Variants in RNF212 observed in about 807,000 individuals in gnomAD.
The protein encoded by RNF212 is probable E3 SUMO-protein ligase RNF212.
In RNF212, 33 loss-of-function variants were observed where a neutral mutation model predicts 34.7. That is an observed-to-expected ratio of 0.95 (90% CI 0.72 to 1.27). RNF212 has a LOEUF of 1.27. Among genes scored for constraint, RNF212 ranks in the 50% most tolerant of loss-of-function variants. RNF212 has a pLI of 0.00. For missense variants in RNF212, 377 were observed against 362.2 expected, an observed-to-expected ratio of 1.04 and a Z score of -0.33; for synonymous variants, 140 against 136.1, an observed-to-expected ratio of 1.03 and a Z score of -0.20.
At chr4:1,064,839 A>G (rs1717983067) in intron 3 of RNF212, among the ~76,000 whole-genome samples, 1 of 152,138 alleles carries the variant, frequency 6.6e-6, no homozygotes, top group African/African-American at 2.4e-5. Flanking sequence ...GGCAGCCACC[A>G]TCCTACTTTC....
intron 1 of RNF212, among the ~76,000 whole-genome samples, chr4:1,109,632 C>A (rs1725344275): frequency 6.6e-6 from 1 of 152,122 alleles, no homozygotes; most frequent in South Asian, 2.1e-4. Context: ...TATTTTCTGC[C>A]CCATTCCCCA....
intron 2 of RNF212, among the ~76,000 whole-genome samples, chr4:1,106,335 A>G (rs192427438): frequency 1.1e-4 from 16 of 152,158 alleles, no homozygotes; most frequent in African/African-American, 3.6e-4. Flanking sequence ...TTTAAACACC[A>G]ATCAAATATG....
In RNF212 at chr4:1,072,909, G is replaced by C; in HGVS notation, c.859C>G (p.Pro287Ala). ...FRTPAVSVVF[P>A]LCQFERKKSF is the part of the protein sequence containing the mutation. ...TTTTTCCTTTCAAATTGGCAAAGAG[G>C]AAACACAACAGACACAGCGGGTGTT... Residue 287 changes from proline (P) to alanine (A), a missense_variant, in exon 10 of 10, where the codon CCT (proline) becomes GCT (alanine). Transcript: ENST00000433731. 2 of 1,613,148 alleles carry C rather than the reference G, an allele frequency of 1.2e-6. No homozygotes were observed. Among genetic ancestry groups the C allele is most frequent in the African/African-American group, 1.3e-5 (1 of 74,992 alleles).
intron 2 of RNF212, among the ~76,000 whole-genome samples, chr4:1,098,911 T>C (rs756702218): frequency 1.3e-5 from 2 of 152,176 alleles, no homozygotes; most frequent in African/African-American, 4.8e-5. Context: ...AAGAGCTCCA[T>C]GGACCAGAAA....
chr4:1,078,999 T>TGGG (rs1719841077), intron 8 of RNF212, among the ~76,000 whole-genome samples: 3 of 108,644 alleles, frequency 2.8e-5, no homozygotes, highest in African/African-American at 4.7e-5. Flanking sequence ...AGGACCAACA[T>TGGG]AGGACCAACA....
Position 1,073,064 on chromosome 4 carries a change from A to G in RNF212, c.704T>C (p.Leu235Pro), listed in dbSNP as rs1485368546. The G allele has an allele frequency of 5.0e-6, 8 of 1,614,104 alleles. No homozygotes were observed. In the South Asian group the frequency reaches 8.8e-5, roughly 18 times the overall value. Residue 235 changes from leucine (L) to proline (P), a missense_variant, in exon 10 of 10, where the codon CTC (leucine) becomes CCC (proline). Physicochemically the swap from Leu to Pro is moderately conservative, Grantham distance 98 (BLOSUM62 -3). Coordinates refer to ENST00000433731, the MANE Select transcript of RNF212 (RefSeq NM_001131034.4). ...CCTTCCAGAACTGAACGCTAGGAGG[A>G]GCAGCCAGTGAGGACAGACGTCTAT... The part of the protein sequence containing the change: ...FCIDVCPHWL[L>P]LLAFSSGRHG...
At chr4:1,083,029 G>A (rs1240615186) in intron 5 of RNF212, among the ~76,000 whole-genome samples, 1 of 152,214 alleles carries the variant, frequency 6.6e-6, no homozygotes, top group East Asian at 1.9e-4. Flanking sequence ...GGGCGCAGCG[G>A]TCTGGGGCGG....
intron 1 of RNF212, among the ~76,000 whole-genome samples, chr4:1,111,298 T>C (rs1194540530): frequency 1.3e-5 from 2 of 152,178 alleles, no homozygotes; most frequent in East Asian, 3.8e-4. Flanking sequence ...TATCTAGGAT[T>C]ATAGGATTAT....
chr4:1,079,432 C>T (rs1257224151), intron 8 of RNF212, among the ~76,000 whole-genome samples: 1 of 152,258 alleles, frequency 6.6e-6, no homozygotes, highest in Non-Finnish European at 1.5e-5. Context: ...CAACTGCAGT[C>T]CTGGCCATTC....
At chr4:1,061,018 G>T (rs1252827412) in intron 3 of RNF212, among the ~76,000 whole-genome samples, 2 of 152,352 alleles carry the variant, frequency 1.3e-5, no homozygotes, top group South Asian at 2.1e-4. Flanking sequence ...AACCATTCAG[G>T]CCTCTGGAAA....
chr4:1,095,261 G>T (rs868580796), intron 3 of RNF212, among the ~76,000 whole-genome samples: 3 of 47,226 alleles, frequency 6.4e-5, no homozygotes, highest in South Asian at 1.4e-3. Flanking sequence ...GGCTCATCAC[G>T]GAACCAAGCA....
At chr4:1,064,544 T>C (rs1717961872) in intron 3 of RNF212, among the ~76,000 whole-genome samples, 1 of 151,582 alleles carries the variant, frequency 6.6e-6, no homozygotes, top group African/African-American at 2.4e-5. Context: ...GGTCCTGGCT[T>C]GCAGACAGCA....
At chr4:1,090,697 T>G in intron 4 of RNF212, 85 bp downstream of exon 4, 1 of 796,420 alleles carries the variant, frequency 1.3e-6, no homozygotes, top group Non-Finnish European at 2.2e-6. Context: ...CCATCCCCTT[T>G]GAGAGCAAGG....
At chr4:1,082,924 T>G (rs539963349) in intron 5 of RNF212, among the ~76,000 whole-genome samples, 30 of 152,142 alleles carry the variant, frequency 2.0e-4, no homozygotes, top group Non-Finnish European at 4.1e-4. Flanking sequence ...ATGCACTGTT[T>G]CGTGGGAGCA....
intron 3 of RNF212, among the ~76,000 whole-genome samples, chr4:1,092,199 G>C (rs921932090): frequency 1.3e-5 from 2 of 152,240 alleles, no homozygotes; most frequent in African/African-American, 4.8e-5. Context: ...CCTCATCCCG[G>C]CTGTGGGGGT....
rs148418544 is a variant in RNF212, at chr4:1,076,703, G to A, written c.510+2940C>T. Among the ~76,000 whole-genome samples, 254 of 152,322 alleles carry A rather than the reference G, an allele frequency of 1.7e-3. 5 individuals carry two copies. The South Asian group carries it at 0.043, about 26-fold the overall frequency. ...CACATCCACTCCAGGGTGACAAGGC[G>A]TTTCGGGAGGTGAAAAGTTGGTTTT... On this transcript the variant is annotated intron_variant, in intron 8 of 9. Transcript: ENST00000433731.
rs374968061 is a variant in RNF212 at position 1,109,038 on chromosome 4, C to T, written c.110-634G>A. On this transcript the variant is annotated intron_variant, in intron 1 of 9. Transcript: ENST00000433731. ...TTTTTTTTTTTTTGAGACAGAGTTT[C>T]ACTCTGTCACCCAGGCGGGAGTGTA... 2.5e-3 allele frequency among the ~76,000 whole-genome samples: 314 copies of T among 123,656 alleles called. 2 individuals carry two copies. Among genetic ancestry groups the T allele is most frequent in the African/African-American group, 8.4e-3 (298 of 35,314 alleles). The allele number at this position is 123,656 out of a possible 152,430, so 81.1% of individuals were successfully genotyped here. A position where few individuals can be genotyped will look rare whatever the true frequency, so the allele number is the denominator to read the frequency against.
At position 1,081,584 on chromosome 4, in the gene RNF212, A is replaced by G. The variant is rs199811548; in HGVS notation, c.398T>C (p.Ile133Thr). The change falls in exon 6 of 10, where the codon ATA becomes ACA. Residue 133 changes from isoleucine (I) to threonine (T), a missense_variant. Ile to Thr is a moderately conservative substitution (Grantham distance 89, BLOSUM62 -1). Transcript: ENST00000433731. ...TTACTTACTTGAAACTGAACTTTTT[A>G]TTGTGCTGAAAGCTGTTTGTTGTGA... ...RSSQQTAFST[I>T]KSSVSTKPHG... The G allele has an allele frequency of 4.3e-6, 7 of 1,610,968 alleles. No individual in the cohort carries two copies. The highest frequency in any genetic ancestry group is 1.3e-5 in the African/African-American group (1 of 74,928).
At chr4:1,091,133 G>A (rs1274393600) in intron 3 of RNF212, among the ~76,000 whole-genome samples, 2 of 152,208 alleles carry the variant, frequency 1.3e-5, no homozygotes, top group Non-Finnish European at 2.9e-5. Context: ...CTCTGATAAT[G>A]GCTACTGGTT....
Sources: gnomAD v4.1 joint callset for allele counts (sites outside exome capture counted in the v4.1 genomes callset) on GRCh38, gnomAD v4.1.1 for gene constraint, MANE v1.5 for transcripts, NCBI Gene and HGNC (gene_info 2026-07-23, HGNC 2026-07-21) for gene names.